Variants in MATN4 observed in about 807,000 individuals in gnomAD.
MATN4 encodes matrilin 4.
A neutral mutation model predicts 54.6 loss-of-function variants in MATN4; 40 were observed. The observed-to-expected ratio is 0.73, with a 90% CI of 0.57 to 0.95. MATN4 has a LOEUF of 0.95. Among genes scored for constraint, MATN4 ranks in the 40% least tolerant of loss-of-function variants. MATN4 has a pLI of 0.00. For missense variants in MATN4, 810 were observed against 819.1 expected (o/e 0.99, Z 0.13); for synonymous variants, 351 against 345.3 (o/e 1.02, Z -0.18).
At chr20:45,307,508 T>C (rs1986830155) in intron 1 of MATN4, among the ~76,000 whole-genome samples, 1 of 152,090 alleles carries the variant, frequency 6.6e-6, no homozygotes, top group African/African-American at 2.4e-5. Context: ...AAAGCCAACA[T>C]CCCTGGACAG....
chr20:45,302,396 G>A (rs1486920724), intron 3 of MATN4, among the ~76,000 whole-genome samples: 1 of 152,184 alleles, frequency 6.6e-6, no homozygotes, highest in East Asian at 1.9e-4. Flanking sequence ...CATGTGTAAT[G>A]CTCCTAGCAC....
intron 8 of MATN4, 55 bp from the exon 9 acceptor site, chr20:45,294,070 C>G (rs576832258): frequency 6.4e-4 from 902 of 1,406,904 alleles, no homozygotes; most frequent in Non-Finnish European, 8.1e-4. Flanking sequence ...AGCTTTGGCC[C>G]TCTGATTTCC....
chr20:45,306,875 C>A (rs1204726637), intron 1 of MATN4: 5 of 1,250,112 alleles, frequency 4.0e-6, no homozygotes, highest in Admixed American at 4.2e-5. Context: ...CAGCACTGGA[C>A]TCGTCCAGAG....
intron 1 of MATN4, 132 bp from the exon 2 acceptor site, chr20:45,305,748 T>A: frequency 2.5e-6 from 1 of 396,934 alleles, no homozygotes; most frequent in Non-Finnish European, 4.5e-6. Flanking sequence ...ATGTTTGAAA[T>A]GTTTCAGAAT....
chr20:45,294,043 G>C, intron 8 of MATN4, 28 bp from the exon 9 acceptor site: 1 of 1,562,712 alleles, frequency 6.4e-7, no homozygotes, highest in South Asian at 1.1e-5. Context: ...AGGGTCAGGG[G>C]GATGAGAAAT....
chr20:45,305,349 G>A (rs1287809824), intron 2 of MATN4, among the ~76,000 whole-genome samples, 161 bp downstream of exon 2: 3 of 152,224 alleles, frequency 2.0e-5, no homozygotes, highest in Non-Finnish European at 2.9e-5. Context: ...TCCTACAGAT[G>A]AAGAAACTGA....
intron 1 of MATN4, chr20:45,306,930 C>A: frequency 8.0e-7 from 1 of 1,256,620 alleles, no homozygotes. Flanking sequence ...ACCATGGACC[C>A]CGCAGGGGCA....
chr20:45,296,912 GT>G (rs1296644420), intron 8 of MATN4, among the ~76,000 whole-genome samples: 6 of 151,882 alleles, frequency 4.0e-5, no homozygotes, highest in Non-Finnish European at 7.4e-5. Flanking sequence ...CTGGAGTGCA[GT>G]AGTGCAATCT....
In MATN4 at chr20:45,293,596, T is replaced by C. The variant is rs1985607010; in HGVS notation, c.*171A>G. The C allele has an allele frequency of 3.4e-6, 2 of 586,940 alleles. No homozygotes were observed. Among genetic ancestry groups the C allele is most frequent in the Non-Finnish European group, 2.9e-6 (1 of 349,446 alleles). The allele number at this position is 586,940 out of a possible 1,614,324, so 36.4% of individuals were successfully genotyped here. A position where few individuals can be genotyped will look rare whatever the true frequency, so the allele number is the denominator to read the frequency against. On this transcript the variant is annotated 3_prime_UTR_variant, in exon 10 of 10. Coordinates refer to ENST00000372756, the MANE Select transcript of MATN4 (RefSeq NM_001393530.1). ...CCCCCTGACGCCGCAGTCCGCCTAA[T>C]GGTCCGGGCGAGGCCAACTCAGCTC...
At position 45,304,496 on chromosome 20, in the gene MATN4, G is replaced by T. The variant is rs766098185; in HGVS notation, c.375C>A (p.Phe125Leu). The T allele has an allele frequency of 6.9e-6, 11 of 1,582,868 alleles. No individual in the cohort carries two copies. In the South Asian group the frequency reaches 1.0e-4, roughly 14 times the overall value. ...LAIQYAMNVA[F>L]SVAEGARPPE... ...GCGGTCGCGCGCCCTCGGCCACACTGAAGGCCACGTTCATGGCGTACTGGA... is the reference window on the plus strand; with the variant it reads ...GCGGTCGCGCGCCCTCGGCCACACTTAAGGCCACGTTCATGGCGTACTGGA... The change falls in exon 3 of 10, where the codon TTC becomes TTA. Residue 125 changes from phenylalanine to leucine, a missense_variant. Coordinates refer to ENST00000372756, the MANE Select transcript of MATN4 (RefSeq NM_001393530.1).
intron 4 of MATN4, 47 bp downstream of exon 4, chr20:45,301,274 G>T (rs760402094): frequency 1.2e-6 from 2 of 1,613,764 alleles, no homozygotes; most frequent in Admixed American, 3.3e-5. Context: ...TGGAGCCCTC[G>T]GAGGCCACAG....
rs1017150760 is a variant in MATN4 at position 45,293,459 on chromosome 20, G to GT, written c.*307dup. ...CCAAAAACGGACCCCGTGGAAATCA[G>GT]TTTTTTTTATTTTTTTAAGAACACA... On this transcript the variant is annotated 3_prime_UTR_variant, in exon 10 of 10. Coordinates refer to ENST00000372756, the MANE Select transcript of MATN4 (RefSeq NM_001393530.1). The GT allele has an allele frequency of 2.6e-4, 88 of 334,630 alleles. No individual in the cohort carries two copies. The highest frequency in any genetic ancestry group is 2.3e-3 in the Admixed American group (46 of 20,352). 20.7% of individuals were successfully genotyped at this position (334,630 alleles called of 1,614,324 possible). A position where few individuals can be genotyped will look rare whatever the true frequency, so the allele number is the denominator to read the frequency against.
At chr20:45,308,641 C>T (rs970848126), upstream of MATN4, 12 of 223,852 alleles carry the variant, frequency 5.4e-5, no homozygotes, top group Non-Finnish European at 9.1e-5. Context: ...TTCGAGGGTG[C>T]GGTCTTGCGC....
In MATN4 at chr20:45,298,234, C is replaced by T; in HGVS notation, c.1362G>A (p.Leu454=). ...PRALNVPRVG[L]VFTDGRSQDD... ...CCTGGGAGCGGCCATCCGTGAAGAC[C>T]AGGCCAACACGAGGCACGTTAAGGG... The change falls in exon 7 of 10, where the codon CTG becomes CTA. Residue 454 remains leucine, a synonymous_variant. Transcript: ENST00000372756. This position sits in a 1 kb window ranked among gnomAD's most constrained non-coding sequence, Gnocchi z 4.6. 6.2e-7 allele frequency: 1 copy of T among 1,610,120 alleles called. No homozygotes were observed. The highest frequency in any genetic ancestry group is 1.7e-5 in the Admixed American group (1 of 59,862).
chr20:45,307,043 C>A, intron 1 of MATN4: 3 of 716,942 alleles, frequency 4.2e-6, no homozygotes, highest in Non-Finnish European at 5.6e-6. Context: ...GAAAACTAAG[C>A]CCCAAGGAGG....
intron 3 of MATN4, among the ~76,000 whole-genome samples, chr20:45,302,835 C>T (rs984621482): frequency 3.3e-5 from 5 of 152,122 alleles, no homozygotes; most frequent in East Asian, 1.9e-4. Flanking sequence ...GTAATCCCAG[C>T]GCTTTGGGAG....
Position 45,301,126 on chromosome 20 carries a change from G to A in MATN4, c.865C>T (p.Gln289Ter). 2.5e-6 allele frequency: 4 copies of A among 1,614,182 alleles called. No homozygotes were observed. Among genetic ancestry groups the A allele is most frequent in the Non-Finnish European group, 3.4e-6 (4 of 1,180,030 alleles). ...RCHCREGHDL[Q>*]PDGRSCQVRD... ...CCCTGACAGCTCCTCCCATCAGGCT[G>A]CAAGTCATGGCCCTCTCTGCAGTGG... The change falls in exon 5 of 10, where the codon CAG (glutamine) becomes TAG (stop). Residue 289 changes from glutamine (Q) to a stop codon, truncating the protein, a stop_gained. Transcript: ENST00000372756. LOFTEE classifies it high-confidence loss of function.
chr20:45,305,543 G>GAAGGAGCAGCAAC lies in MATN4; in HGVS notation c.27_39dup (p.Leu14ValfsTer31). On this transcript the variant is annotated frameshift_variant, in exon 2 of 10. Coordinates refer to ENST00000372756, the MANE Select transcript of MATN4 (RefSeq NM_001393530.1). LOFTEE classifies it high-confidence loss of function. ...TGGAGCTGGGTTTCCCAGGGCTGAA[G>GAAGGAGCAGCAAC]AAGGAGCAGCAACACGGGCCAGCAA... is the stretch of plus-strand genomic sequence containing the variant. 6.4e-7 allele frequency: 1 copy of GAAGGAGCAGCAAC among 1,559,048 alleles called. No homozygotes were observed. The highest frequency in any genetic ancestry group is 8.7e-7 in the Non-Finnish European group (1 of 1,151,332).
intron 1 of MATN4, 65 bp downstream of exon 1, chr20:45,308,110 G>A (rs779165332): frequency 6.0e-6 from 9 of 1,511,544 alleles, no homozygotes; most frequent in African/African-American, 1.4e-5. Context: ...AAATACACTC[G>A]CCTGACCTGG....
Sources: gnomAD v4.1 joint callset for allele counts (sites outside exome capture counted in the v4.1 genomes callset) on GRCh38, gnomAD v4.1.1 for gene constraint, Gnocchi (gnomAD v3.1) non-coding constraint, MANE v1.5 for transcripts, NCBI Gene and HGNC (gene_info 2026-07-23, HGNC 2026-07-21) for gene names.